Variants in COBL observed in about 807,000 individuals in gnomAD.
The protein encoded by COBL is protein cordon-bleu.
Under a neutral mutation model 98.8 loss-of-function variants are expected in COBL, and 51 were observed. The ratio of observed to expected loss-of-function variants is 0.52; its 90% CI spans 0.41 to 0.65. The LOEUF (loss-of-function observed/expected upper bound fraction) is 0.65, where lower values mean the gene tolerates loss of function less well. COBL is among the 30% of genes least tolerant of loss of function. The pLI, the probability that COBL is intolerant of heterozygous loss-of-function variation, is 0.00. For missense variants in COBL, 1,617 were observed against 1,617.5 expected, an observed-to-expected ratio of 1.00 and a Z score of 0.01; for synonymous variants, 634 against 651.7, an observed-to-expected ratio of 0.97 and a Z score of 0.41.
At chr7:51,159,475 G>T (rs1464840959) in intron 5 of COBL, among the ~76,000 whole-genome samples, 1 of 152,172 alleles carries the variant, frequency 6.6e-6, no homozygotes, top group East Asian at 1.9e-4. Flanking sequence ...CACCTTCTCT[G>T]GTCTCTGAAG....
chr7:51,150,797 G>A (rs975020950), intron 5 of COBL, among the ~76,000 whole-genome samples: 2 of 152,148 alleles, frequency 1.3e-5, no homozygotes, highest in African/African-American at 4.8e-5. Flanking sequence ...GTCTGCTTCT[G>A]GCCAAGAGGT....
intron 1 of COBL, among the ~76,000 whole-genome samples, chr7:51,241,713 G>A (rs1380268332): frequency 6.6e-6 from 1 of 152,192 alleles, no homozygotes; most frequent in Non-Finnish European, 1.5e-5. Context: ...ACTGCTGTGT[G>A]TCAGTATTTC....
intron 4 of COBL, among the ~76,000 whole-genome samples, chr7:51,184,741 G>A (rs1789324491): frequency 6.6e-6 from 1 of 151,928 alleles, no homozygotes; most frequent in South Asian, 2.1e-4. Flanking sequence ...CTCGGTACAT[G>A]CAAGAGCCAC....
At chr7:51,099,185 A>C (rs1320867882) in intron 6 of COBL, among the ~76,000 whole-genome samples, 2 of 152,198 alleles carry the variant, frequency 1.3e-5, no homozygotes, top group East Asian at 3.8e-4. Context: ...GAATGATACA[A>C]GTACTATGGA....
At chr7:51,068,949 A>C (rs1792244627) in intron 7 of COBL, among the ~76,000 whole-genome samples, 1 of 152,222 alleles carries the variant, frequency 6.6e-6, no homozygotes, top group African/African-American at 2.4e-5. Flanking sequence ...TGGAGCCTGA[A>C]GACTCCAAAT....
intron 12 of COBL, among the ~76,000 whole-genome samples, chr7:51,020,210 C>T (rs1288904119): frequency 4.6e-5 from 7 of 152,196 alleles, no homozygotes; most frequent in Non-Finnish European, 8.8e-5. Context: ...GCCCCATTTT[C>T]GCACCTGTCA....
At chr7:51,116,940 A>T (rs1030464974) in intron 6 of COBL, among the ~76,000 whole-genome samples, 6 of 151,966 alleles carry the variant, frequency 3.9e-5, no homozygotes, top group South Asian at 2.1e-4. Context: ...TTATATATAT[A>T]TTTTTAATAA....
intron 6 of COBL, among the ~76,000 whole-genome samples, chr7:51,115,162 TTA>T (rs1797159143): frequency 6.6e-6 from 1 of 152,012 alleles, no homozygotes; most frequent in Non-Finnish European, 1.5e-5. Flanking sequence ...TGATATTAAT[TTA>T]TGTTCTTTTT....
intron 5 of COBL, among the ~76,000 whole-genome samples, chr7:51,183,172 T>C (rs1789154325): frequency 6.6e-6 from 1 of 152,218 alleles, no homozygotes; most frequent in African/African-American, 2.4e-5. Context: ...TTGGGCTACA[T>C]GCACCTATCT....
chr7:51,113,435 C>G (rs1797010531), intron 6 of COBL, among the ~76,000 whole-genome samples: 2 of 152,230 alleles, frequency 1.3e-5, no homozygotes, highest in Non-Finnish European at 2.9e-5. Flanking sequence ...TAATCTCTCT[C>G]CAATAATATT....
At position 51,085,193 on chromosome 7, in the gene COBL, T is replaced by C. The variant is rs764080598; in HGVS notation, c.1069A>G (p.Lys357Glu). 1.2e-5 allele frequency: 19 copies of C among 1,613,860 alleles called. No individual in the cohort carries two copies. In the Admixed American group the frequency reaches 2.7e-4, roughly 23 times the overall value. The change falls in exon 7 of 13, where the codon AAG (lysine) becomes GAG (glutamate). Residue 357 changes from lysine to glutamate, a missense_variant. By Grantham distance (56) the Lys-to-Glu change is moderately conservative (BLOSUM62 1). Around this residue, in one of 3 missense-constraint regions of COBL, gnomAD observed 1,304 missense variants for 1,282.0 expected, o/e 1.02. Transcript: ENST00000265136. ...SPLIPNRTED[K>E]EENRKSTMVS... ...ATCGTGCTCTTCCTGTTCTCCTCCT[T>C]ATCCTCAGTGCGGTTGGGGATCAGG... is the stretch of plus-strand genomic sequence containing the variant.
intron 2 of COBL, among the ~76,000 whole-genome samples, chr7:51,212,182 T>C (rs973015112): frequency 6.6e-6 from 1 of 152,236 alleles, no homozygotes; most frequent in African/African-American, 2.4e-5. Context: ...AGAATTATTA[T>C]ACTTCTTTAA....
At chr7:51,027,342 C>T (rs895923283) in intron 10 of COBL, among the ~76,000 whole-genome samples, 13 of 152,212 alleles carry the variant, frequency 8.5e-5, no homozygotes, top group Admixed American at 7.2e-4. Context: ...AAAGAAGTGG[C>T]CCTGCCTGAA....
intron 1 of COBL, among the ~76,000 whole-genome samples, chr7:51,224,113 A>G (rs1168561964): frequency 1.3e-5 from 2 of 152,212 alleles, no homozygotes; most frequent in Admixed American, 6.5e-5. Flanking sequence ...CAGGAACAAT[A>G]GGCTACAGCA....
chr7:51,219,661 C>T, intron 2 of COBL, 80 bp downstream of exon 2: 1 of 1,449,676 alleles, frequency 6.9e-7, no homozygotes, highest in Non-Finnish European at 9.5e-7. Context: ...AAATGCAATA[C>T]ATCAACATCC....
At chr7:51,062,084 T>C (rs1791438995) in intron 7 of COBL, among the ~76,000 whole-genome samples, 2 of 152,142 alleles carry the variant, frequency 1.3e-5, no homozygotes, top group South Asian at 4.1e-4. Flanking sequence ...AGGGTTAAAA[T>C]AGGCCTAATT....
intron 5 of COBL, among the ~76,000 whole-genome samples, chr7:51,152,480 T>G (rs1388953572): frequency 6.6e-6 from 1 of 152,202 alleles, no homozygotes; most frequent in African/African-American, 2.4e-5. Flanking sequence ...GATTGCATTT[T>G]TATAGAAACC....
At chr7:51,168,732 A>C (rs962859955) in intron 5 of COBL, among the ~76,000 whole-genome samples, 10 of 152,154 alleles carry the variant, frequency 6.6e-5, no homozygotes, top group African/African-American at 2.4e-4. Context: ...ACCTAAAATA[A>C]AGCTAGCATA....
At chr7:51,209,951 G>A (rs1163433026) in intron 2 of COBL, among the ~76,000 whole-genome samples, 1 of 152,222 alleles carries the variant, frequency 6.6e-6, no homozygotes, top group Non-Finnish European at 1.5e-5. Flanking sequence ...GTGAAAGGGA[G>A]TGGACAGCCC....
Sources: allele counts gnomAD v4.1 joint callset (sites outside exome capture counted in the v4.1 genomes callset), GRCh38; gene constraint gnomAD v4.1.1; regional missense constraint gnomAD v4.1.1; transcripts MANE v1.5; gene names NCBI Gene and HGNC (gene_info 2026-07-23, HGNC 2026-07-21).